The following NHSL1 variants were observed in gnomAD, a reference collection of about 807,000 sequenced individuals.
NHSL1 encodes the protein NHS-like protein 1.
In NHSL1, 48 loss-of-function variants were observed where a neutral mutation model predicts 95.0. That is an observed-to-expected ratio of 0.51 (90% confidence interval 0.40 to 0.64). The LOEUF (loss-of-function observed/expected upper bound fraction) is 0.64. NHSL1 is among the 30% of genes least tolerant of loss of function. The pLI, the probability that NHSL1 is intolerant of heterozygous loss-of-function variation, is 0.00. For missense variants in NHSL1, 1,971 were observed against 2,077.7 expected (o/e 0.95, Z 1.00); for synonymous variants, 783 against 833.9 (o/e 0.94, Z 1.05).
chr6:138,437,355 T>C lies in NHSL1; in HGVS notation c.665-3675A>G, dbSNP rs1370146909. On this transcript the variant is annotated intron_variant, in intron 5 of 7. Coordinates refer to ENST00000343505, the MANE Select transcript of NHSL1 (RefSeq NM_001144060.2). The stretch of plus-strand genomic sequence containing the variant: ...ATATATATATATACACATATATATA[T>C]ACACATATATATATATACACATATA... Among the ~76,000 whole-genome samples, 38 of 28,888 alleles carry C rather than the reference T, an allele frequency of 1.3e-3. 1 individual carries two copies. The highest frequency in any genetic ancestry group is 4.9e-3 in the African/African-American group (32 of 6,556). 19.0% of individuals were successfully genotyped at this position (28,888 alleles called of 152,430 possible). A position where few individuals can be genotyped will look rare whatever the true frequency, so the allele number is the denominator to read the frequency against.
intron 1 of NHSL1, among the ~76,000 whole-genome samples, chr6:138,562,023 G>T (rs534801551): frequency 2.0e-5 from 3 of 152,174 alleles, no homozygotes; most frequent in Non-Finnish European, 2.9e-5. Flanking sequence ...TGAATTCAAC[G>T]GAACAGAGAA....
intron 1 of NHSL1, among the ~76,000 whole-genome samples, chr6:138,688,500 C>T (rs995704814): frequency 6.6e-6 from 1 of 151,680 alleles, no homozygotes; most frequent in Non-Finnish European, 1.5e-5. Flanking sequence ...AAAAATTAGC[C>T]AGGCATGGTG....
intron 1 of NHSL1, among the ~76,000 whole-genome samples, chr6:138,683,471 CTAAG>C (rs369509768): frequency 2.6e-5 from 4 of 152,316 alleles, no homozygotes; most frequent in East Asian, 1.9e-4. Flanking sequence ...AGGCGCTGTG[CTAAG>C]TAAGTACTTT....
At chr6:138,487,436 TTTGA>T (rs927313132) in intron 2 of NHSL1, among the ~76,000 whole-genome samples, 6 of 152,218 alleles carry the variant, frequency 3.9e-5, no homozygotes, top group African/African-American at 1.4e-4. Flanking sequence ...GACATTCATC[TTTGA>T]TTGCACTATA....
intron 3 of NHSL1, chr6:138,464,151 T>G: frequency 3.4e-6 from 2 of 591,866 alleles, no homozygotes; most frequent in Non-Finnish European, 6.0e-6. Context: ...CTCCGTTGTT[T>G]CTGATGGGAA....
At chr6:138,532,452 A>G (rs1193109385) in intron 1 of NHSL1, among the ~76,000 whole-genome samples, 2 of 152,172 alleles carry the variant, frequency 1.3e-5, no homozygotes, top group Non-Finnish European at 2.9e-5. Context: ...TCAGGAGCCT[A>G]ATAAAGGCAT....
At chr6:138,576,708 C>A (rs982488549), upstream of NHSL1, among the ~76,000 whole-genome samples, 3 of 152,322 alleles carry the variant, frequency 2.0e-5, no homozygotes, top group Admixed American at 6.5e-5. Context: ...CCAGCACCCC[C>A]CTCCTTCACC....
intron 1 of NHSL1, among the ~76,000 whole-genome samples, chr6:138,661,324 TAGA>T (rs1442527945): frequency 1.3e-5 from 2 of 152,032 alleles, no homozygotes; most frequent in African/African-American, 4.8e-5. Context: ...GTACTCTCTG[TAGA>T]AGTTCAACTT....
At chr6:138,629,777 T>C (rs1258364159) in intron 1 of NHSL1, among the ~76,000 whole-genome samples, 1 of 152,250 alleles carries the variant, frequency 6.6e-6, no homozygotes, top group Non-Finnish European at 1.5e-5. Flanking sequence ...TTGTGGTAAG[T>C]GGATTTCTTT....
At chr6:138,446,128 C>T (rs926041476) in intron 4 of NHSL1, among the ~76,000 whole-genome samples, 1 of 151,548 alleles carries the variant, frequency 6.6e-6, no homozygotes, top group Non-Finnish European at 1.5e-5. Flanking sequence ...ACCTCTGCCT[C>T]CCGGGTTGAA....
chr6:138,537,711 C>A (rs989397243), intron 1 of NHSL1, among the ~76,000 whole-genome samples: 1 of 152,162 alleles, frequency 6.6e-6, no homozygotes, highest in Admixed American at 6.5e-5. Flanking sequence ...ATATTCTTTA[C>A]AAACCTGTGT....
At chr6:138,612,037 G>C (rs1439262908) in intron 1 of NHSL1, among the ~76,000 whole-genome samples, 1 of 147,242 alleles carries the variant, frequency 6.8e-6, no homozygotes, top group East Asian at 2.0e-4. Flanking sequence ...TTGAACCCAA[G>C]AGGCGGAGGT....
At chr6:138,645,376 C>A (rs536560112) in intron 1 of NHSL1, among the ~76,000 whole-genome samples, 1 of 152,150 alleles carries the variant, frequency 6.6e-6, no homozygotes, top group African/African-American at 2.4e-5. Flanking sequence ...GAGGCCTACC[C>A]GGCCTACTGA....
rs567683829 is a variant in NHSL1 at position 138,594,928 on chromosome 6, T to C, written c.96+97548A>G. ...CCTGCTGTGGTTAGCTGGCTGCTGGTTCACACGTGAGCCCAGACCCTGTTC... is the reference window on the plus strand; with the variant it reads ...CCTGCTGTGGTTAGCTGGCTGCTGGCTCACACGTGAGCCCAGACCCTGTTC... On this transcript the variant is annotated intron_variant, in intron 1 of 3. Transcript: ENST00000491526. 1.2e-3 allele frequency among the ~76,000 whole-genome samples: 189 copies of C among 152,326 alleles called. 2 individuals carry two copies. The highest frequency in any genetic ancestry group is 2.0e-3 in the Non-Finnish European group (134 of 68,044).
In NHSL1 at chr6:138,657,149, T is replaced by C. The variant is rs148954438; in HGVS notation, c.96+35327A>G. ...CTGCATTGGGGTAAACAGACATTTT[T>C]TTTCCTCATGTAACAGAACGTCCAG... On this transcript the variant is annotated intron_variant, in intron 1 of 3. Coordinates refer to the NHSL1 transcript ENST00000491526. Among the ~76,000 whole-genome samples the C allele has an allele frequency of 8.5e-5, 13 of 152,288 alleles. No individual in the cohort carries two copies. The East Asian group carries it at 2.3e-3, about 27-fold the overall frequency.
intron 1 of NHSL1, among the ~76,000 whole-genome samples, chr6:138,535,342 T>C (rs879924136): frequency 1.3e-5 from 2 of 152,006 alleles, no homozygotes; most frequent in Admixed American, 1.3e-4. Flanking sequence ...GGCGGGAGGA[T>C]TGCCTGAGCC....
chr6:138,628,507 T>A (rs1033652808), intron 1 of NHSL1, among the ~76,000 whole-genome samples: 1 of 152,178 alleles, frequency 6.6e-6, no homozygotes, highest in African/African-American at 2.4e-5. Context: ...TAATACTGCA[T>A]CCTACCCTGG....
At chr6:138,441,534 C>T (rs1776523156) in intron 5 of NHSL1, among the ~76,000 whole-genome samples, 1 of 152,072 alleles carries the variant, frequency 6.6e-6, no homozygotes, top group Non-Finnish European at 1.5e-5. Context: ...ACCAATAATC[C>T]CAGACTGTTG....
intron 1 of NHSL1, among the ~76,000 whole-genome samples, chr6:138,587,098 G>A (rs868814528): frequency 1.3e-5 from 2 of 151,790 alleles, no homozygotes; most frequent in African/African-American, 2.4e-5. Flanking sequence ...TCAACCTCTC[G>A]AGTAACTGGG....
Sources: gnomAD v4.1 joint callset for allele counts (sites outside exome capture counted in the v4.1 genomes callset) on GRCh38, gnomAD v4.1.1 for gene constraint, MANE v1.5 for transcripts, NCBI Gene and HGNC (gene_info 2026-07-23, HGNC 2026-07-21) for gene names.